The following SEPTIN9 variants were observed in gnomAD, a reference collection of about 807,000 sequenced individuals.
The protein encoded by SEPTIN9 is septin-9.
In SEPTIN9, 13 loss-of-function variants were observed where a neutral mutation model predicts 56.6. That is an observed-to-expected ratio of 0.23 (90% CI 0.15 to 0.37). SEPTIN9 has a LOEUF of 0.37. Among genes scored for constraint, SEPTIN9 ranks in the 10% least tolerant of loss-of-function variants. The pLI, the probability that SEPTIN9 is intolerant of heterozygous loss-of-function variation, is 1.00. For synonymous variants in SEPTIN9, 332 were observed against 334.1 expected, an observed-to-expected ratio of 0.99 and a Z score of 0.07; for missense variants, 650 against 823.1, an observed-to-expected ratio of 0.79 and a Z score of 2.57.
At chr17:77,493,428 G>A (rs1242509924) in intron 10 of SEPTIN9, among the ~76,000 whole-genome samples, 2 of 152,204 alleles carry the variant, frequency 1.3e-5, no homozygotes, top group African/African-American at 4.8e-5. Context: ...AAAGGGGTGG[G>A]CTGTAGCTCT....
Position 77,475,671 on chromosome 17 carries a change from T to C in SEPTIN9, c.722-6473T>C. ...TTACGAGGCAAAGTAAGGAGACTGC[T>C]GGGCCCACGCTGGGCCGGGGTGGAT... On this transcript the variant is annotated intron_variant, in intron 3 of 11. Transcript: ENST00000427177. The surrounding 1 kb of genome is among the most constrained non-coding windows in gnomAD (Gnocchi z 4.6). 1.2e-6 allele frequency: 2 copies of C among 1,613,756 alleles called. No homozygotes were observed. The highest frequency in any genetic ancestry group is 1.7e-6 in the Non-Finnish European group (2 of 1,179,848).
chr17:77,389,188 G>A lies in SEPTIN9; in HGVS notation c.77-12871G>A, dbSNP rs114483740. Among the ~76,000 whole-genome samples the A allele has an allele frequency of 8.1e-3, 1,237 of 152,250 alleles. 13 individuals are homozygous for A. The highest frequency in any genetic ancestry group is 0.027 in the African/African-American group (1,140 of 41,532). ...GGATGCATTTCTAAGAGCAGCATGC[G>A]TGAAGCCCGGGGTCTGGGCAAAGGA... On this transcript the variant is annotated intron_variant, in intron 2 of 11. Transcript: ENST00000427177. The surrounding 1 kb of genome is among the most constrained non-coding windows in gnomAD (Gnocchi z 4.3).
intron 3 of SEPTIN9, among the ~76,000 whole-genome samples, chr17:77,418,723 A>T (rs980486224): frequency 6.6e-6 from 1 of 152,150 alleles, no homozygotes; most frequent in African/African-American, 2.4e-5. Flanking sequence ...TGATGTCTCC[A>T]GATGCTCTGC....
chr17:77,457,484 G>T (rs760695979), intron 3 of SEPTIN9, among the ~76,000 whole-genome samples: 115 of 152,356 alleles, frequency 7.5e-4, no homozygotes, highest in Non-Finnish European at 1.3e-3. Flanking sequence ...CGTTAAGCGA[G>T]TTCCGTGTTT....
intron 3 of SEPTIN9, among the ~76,000 whole-genome samples, chr17:77,479,524 C>T (rs1402961550): frequency 1.3e-5 from 2 of 152,262 alleles, no homozygotes; most frequent in African/African-American, 4.8e-5. Context: ...AGGCAAGCCA[C>T]TGCCCTACGT....
Position 77,330,516 on chromosome 17 carries a change from T to C in SEPTIN9, c.76+23319T>C, listed in dbSNP as rs1022580958. 2.0e-5 allele frequency among the ~76,000 whole-genome samples: 3 copies of C among 152,202 alleles called. No individual in the cohort carries two copies. The highest frequency in any genetic ancestry group is 4.4e-5 in the Non-Finnish European group (3 of 68,032). On this transcript the variant is annotated intron_variant, in intron 2 of 11. Coordinates refer to ENST00000427177, the MANE Select transcript of SEPTIN9 (RefSeq NM_001113491.2). The surrounding 1 kb of genome is among the most constrained non-coding windows in gnomAD (Gnocchi z 4.4). ...AGGCTCTCGGGCAGCCTTTCCTGGA[T>C]TCTTCCTCCGTTCTCCCCTGGGCAG...
intron 10 of SEPTIN9, chr17:77,496,375 G>T (rs182871533): frequency 6.6e-6 from 1 of 152,318 alleles, no homozygotes; most frequent in East Asian, 1.9e-4. Context: ...GGAATCACAA[G>T]AGACACTTGC....
Position 77,487,621 on chromosome 17 carries a change from CAA to C in SEPTIN9, c.1042+70_1042+71del, listed in dbSNP as rs2039851310. 2 of 1,311,346 alleles carry C rather than the reference CAA, an allele frequency of 1.5e-6. No individual in the cohort carries two copies. The highest frequency in any genetic ancestry group is 4.4e-5 in the African/African-American group (2 of 45,196). 81.2% of individuals were successfully genotyped at this position (1,311,346 alleles called of 1,614,324 possible). A position where few individuals can be genotyped will look rare whatever the true frequency, so the allele number is the denominator to read the frequency against. The stretch of plus-strand genomic sequence containing the variant: ...TTCCTGGAGCACAGGGGTTGGGGGT[CAA>C]GACCATCACACACAGTCAGTGGCCA... On this transcript the variant is annotated intron_variant, in intron 5 of 11. Transcript: ENST00000427177. The surrounding 1 kb of genome is among the most constrained non-coding windows in gnomAD (Gnocchi z 4.3).
At chr17:77,485,193 G>A (rs970027759) in intron 4 of SEPTIN9, among the ~76,000 whole-genome samples, 12 of 125,370 alleles carry the variant, frequency 9.6e-5, no homozygotes, top group African/African-American at 2.9e-4. Context: ...TTGTGGTGGT[G>A]GTGGTGATGG....
rs184677783 is a variant in SEPTIN9, at chr17:77,342,903, A to G, written c.76+35706A>G. 2.0e-5 allele frequency among the ~76,000 whole-genome samples: 3 copies of G among 152,222 alleles called. No homozygotes were observed. The East Asian group carries it at 5.8e-4, about 29-fold the overall frequency. On this transcript the variant is annotated intron_variant, in intron 2 of 11. Transcript: ENST00000427177. ...GTGAGAGGATAGTTTGAGCCCGGGA[A>G]GGCAGACGTTGTGGTGAGCCGAGAT...
Position 77,500,391 on chromosome 17 carries a change from T to TGGGGGGGGGGGGGGGGGGG in SEPTIN9, c.*1738_*1739insGGGGGGGGGGGGGGGGGGG. On this transcript the variant is annotated 3_prime_UTR_variant, in exon 12 of 12. Coordinates refer to ENST00000427177, the MANE Select transcript of SEPTIN9 (RefSeq NM_001113491.2). ...AATGTCACTTGGTGGCGGGGTGGGG[T>TGGGGGGGGGGGGGGGGGGG]GGGGGTGGGCAGCAGCATCCCAGCC... The TGGGGGGGGGGGGGGGGGGG allele has an allele frequency of 1.3e-5, 2 of 158,902 alleles. No individual in the cohort carries two copies. Among genetic ancestry groups the TGGGGGGGGGGGGGGGGGGG allele is most frequent in the East Asian group, 1.3e-4 (1 of 7,676 alleles). 9.8% of individuals were successfully genotyped at this position (158,902 alleles called of 1,614,324 possible).
chr17:77,361,164 T>TC (rs979315830), intron 2 of SEPTIN9, among the ~76,000 whole-genome samples: 1 of 152,214 alleles, frequency 6.6e-6, no homozygotes, highest in Non-Finnish European at 1.5e-5. Flanking sequence ...CCTAAGGTGA[T>TC]CCACCCGCCT....
intron 3 of SEPTIN9, among the ~76,000 whole-genome samples, chr17:77,419,049 T>C (rs1180365922): frequency 6.6e-6 from 1 of 152,186 alleles, no homozygotes; most frequent in Non-Finnish European, 1.5e-5. Context: ...ACCTGCTTCC[T>C]CTAGCAGCCT....
At chr17:77,410,142 G>T (rs552178794) in intron 3 of SEPTIN9, among the ~76,000 whole-genome samples, 10 of 152,064 alleles carry the variant, frequency 6.6e-5, no homozygotes, top group African/African-American at 2.4e-4. Context: ...CTTCCTTCCC[G>T]TTCTCTCTGA....
In SEPTIN9 at chr17:77,400,239, A is replaced by G. The variant is rs191025281; in HGVS notation, c.77-1820A>G. On this transcript the variant is annotated intron_variant, in intron 2 of 11. Coordinates refer to ENST00000427177, the MANE Select transcript of SEPTIN9 (RefSeq NM_001113491.2). This position sits in a 1 kb window ranked among gnomAD's most constrained non-coding sequence, Gnocchi z 4.1. ...TTTTGCTTTGTGCCAGCATTTAAAGATCAGGAGATATCATATAAAGATCCA... is the reference window on the plus strand; with the variant it reads ...TTTTGCTTTGTGCCAGCATTTAAAGGTCAGGAGATATCATATAAAGATCCA... Among the ~76,000 whole-genome samples the G allele has an allele frequency of 6.6e-6, 1 of 152,300 alleles. No individual in the cohort carries two copies. Among genetic ancestry groups the G allele is most frequent in the East Asian group, 1.9e-4 (1 of 5,182 alleles).
At position 77,402,207 on chromosome 17, in the gene SEPTIN9, C is replaced by T. The variant is rs755412207; in HGVS notation, c.225C>T (p.Ala75=). ...DLGVKNSEPS[A]RHVDSLSQRS... is the part of the protein sequence containing the mutation. ...GCGTGAAGAACTCAGAACCCTCGGCCCGCCATGTGGACTCCCTAAGCCAAC... is the reference window on the plus strand; with the variant it reads ...GCGTGAAGAACTCAGAACCCTCGGCTCGCCATGTGGACTCCCTAAGCCAAC... Residue 75 remains alanine, a synonymous_variant, in exon 3 of 12, where the codon GCC becomes GCT. Transcript: ENST00000427177. The surrounding 1 kb of genome is among the most constrained non-coding windows in gnomAD (Gnocchi z 6.6). 11 of 1,613,724 alleles carry T rather than the reference C, an allele frequency of 6.8e-6. No homozygotes were observed. The highest frequency in any genetic ancestry group is 1.6e-4 in the Middle Eastern group (1 of 6,062).
intron 3 of SEPTIN9, among the ~76,000 whole-genome samples, chr17:77,409,865 G>A (rs1193568357): frequency 1.3e-5 from 2 of 152,290 alleles, no homozygotes; most frequent in African/African-American, 4.8e-5. Flanking sequence ...TCCCCGCCTC[G>A]GGGCCCAAAG....
At position 77,449,118 on chromosome 17, in the gene SEPTIN9, T is replaced by C. The variant is rs2144393096; in HGVS notation, c.722-33026T>C. ...ATTTTTTATTGTAGGTGCTGGAAAATGTAAGGTTGCGTCTGTGGCCCATGT... is the reference window on the plus strand; with the variant it reads ...ATTTTTTATTGTAGGTGCTGGAAAACGTAAGGTTGCGTCTGTGGCCCATGT... On this transcript the variant is annotated intron_variant, in intron 3 of 11. Transcript: ENST00000427177. This position sits in a 1 kb window ranked among gnomAD's most constrained non-coding sequence, Gnocchi z 4.6. Among the ~76,000 whole-genome samples the C allele has an allele frequency of 6.6e-6, 1 of 152,036 alleles. No homozygotes were observed. The highest frequency in any genetic ancestry group is 1.9e-4 in the East Asian group (1 of 5,162).
chr17:77,402,484 C>G lies in SEPTIN9; in HGVS notation c.502C>G (p.Pro168Ala), dbSNP rs751842220. The G allele has an allele frequency of 1.9e-6, 3 of 1,606,650 alleles. No individual in the cohort carries two copies. The African/African-American group carries it at 4.0e-5, about 21-fold the overall frequency. ...GTCAGCCCACCGGAGGATGGAGCCC[C>G]CTGCCTCCAAGGTCCCCGAGGTGCC... Reference protein sequence around the residue: ...QESAHRRMEPPASKVPEVPTA... With the variant: ...QESAHRRMEPAASKVPEVPTA... Residue 168 changes from proline to alanine, a missense_variant, in exon 3 of 12, where the codon CCT (proline) becomes GCT (alanine). Physicochemically the swap from Pro to Ala is conservative, Grantham distance 27. This residue lies in a region of SEPTIN9 where 317 missense variants were observed against 329.1 expected (regional missense o/e 0.96). Transcript: ENST00000427177. The surrounding 1 kb of genome is among the most constrained non-coding windows in gnomAD (Gnocchi z 6.6).
Sources: gnomAD v4.1 joint callset for allele counts (sites outside exome capture counted in the v4.1 genomes callset) on GRCh38, gnomAD v4.1.1 for gene constraint, gnomAD v4.1.1 regional missense constraint, Gnocchi (gnomAD v3.1) non-coding constraint, MANE v1.5 for transcripts, NCBI Gene and HGNC (gene_info 2026-07-23, HGNC 2026-07-21) for gene names.